The following MMGT1 variants were observed in gnomAD, a reference collection of about 807,000 sequenced individuals.
MMGT1 encodes the protein ER membrane protein complex subunit 5.
In MMGT1, 2 loss-of-function variants were observed where a neutral mutation model predicts 11.7. That is an observed-to-expected ratio of 0.17 (90% CI 0.07 to 0.54). The LOEUF (loss-of-function observed/expected upper bound fraction) is 0.54. MMGT1 is among the 20% of genes least tolerant of loss of function. The probability of loss-of-function intolerance (pLI) is 0.94; values close to 1 mark genes in which losing one functional copy is unlikely to be tolerated. For missense variants in MMGT1, 74 were observed against 109.0 expected (o/e 0.68, Z 1.43); for synonymous variants, 49 against 44.4 (o/e 1.10, Z -0.41).
intron 2 of MMGT1, 126 bp downstream of exon 2, chrX:135,970,932 A>C: frequency 8.4e-6 from 4 of 474,820 alleles, no homozygotes; most frequent in Non-Finnish European, 1.5e-5. Flanking sequence ...AAAGAAAAGA[A>C]AAGTGGAGAT....
intron 1 of MMGT1, 95 bp from the exon 2 acceptor site, chrX:135,971,205 G>A: frequency 1.7e-6 from 1 of 574,208 alleles, no homozygotes; most frequent in Admixed American, 2.5e-5. Flanking sequence ...GCTGACTTAT[G>A]TGCAGCACAC....
rs180943800 is a variant in MMGT1 at position 135,961,052 on chromosome X, G to A, written c.*3972C>T. ...AAGATTTCTAGAGGACAATTTGGCAGTAACTACTGAACTGAAAATAAAAAA... is the reference window on the plus strand; with the variant it reads ...AAGATTTCTAGAGGACAATTTGGCAATAACTACTGAACTGAAAATAAAAAA... On this transcript the variant is annotated 3_prime_UTR_variant, in exon 4 of 4. Coordinates refer to ENST00000305963, the MANE Select transcript of MMGT1 (RefSeq NM_173470.3). 4.5e-4 allele frequency among the ~76,000 whole-genome samples: 50 copies of A among 111,900 alleles called. No homozygotes were observed. Among genetic ancestry groups the A allele is most frequent in the African/African-American group, 1.6e-3 (48 of 30,907 alleles).
At position 135,964,894 on chromosome X, in the gene MMGT1, G is replaced by A; in HGVS notation, c.*130C>T. ...TTAACAGTATATAAACAAGGGCCAT[G>A]GTTTTTTTTACTAAAGTAGGTCTGA... is the stretch of plus-strand genomic sequence containing the variant. On this transcript the variant is annotated 3_prime_UTR_variant, in exon 4 of 4. Coordinates refer to ENST00000305963, the MANE Select transcript of MMGT1 (RefSeq NM_173470.3). The A allele has an allele frequency of 3.8e-6, 2 of 527,898 alleles. No homozygotes were observed. The highest frequency in any genetic ancestry group is 6.6e-5 in the East Asian group (2 of 30,154). The allele number at this position is 527,898 out of a possible 1,213,427, so 43.5% of individuals were successfully genotyped here. A position where few individuals can be genotyped will look rare whatever the true frequency, so the allele number is the denominator to read the frequency against.
chrX:135,967,368 C>T, intron 3 of MMGT1, 22 bp downstream of exon 3: 1 of 936,878 alleles, frequency 1.1e-6, no homozygotes, highest in Non-Finnish European at 1.5e-6. Flanking sequence ...AATGCAATGC[C>T]TATGAAAAGA....
Position 135,973,750 on chromosome X carries a change from C to T in MMGT1, c.-75G>A. On this transcript the variant is annotated 5_prime_UTR_variant, in exon 1 of 4. Coordinates refer to ENST00000305963, the MANE Select transcript of MMGT1 (RefSeq NM_173470.3). Reference sequence around the variant, plus strand: ...TGTTTCTTCTTCCACCGGCGGGTGTCCGCGCGCCGCAGAAAGATGACGTCA... The same window carrying T: ...TGTTTCTTCTTCCACCGGCGGGTGTTCGCGCGCCGCAGAAAGATGACGTCA... 3 of 1,166,050 alleles carry T rather than the reference C, an allele frequency of 2.6e-6. No individual in the cohort carries two copies. Among genetic ancestry groups the T allele is most frequent in the Non-Finnish European group, 3.4e-6 (3 of 872,634 alleles).
intron 1 of MMGT1, among the ~76,000 whole-genome samples, chrX:135,971,714 T>A (rs1182763115): frequency 8.9e-6 from 1 of 111,958 alleles, no homozygotes; most frequent in East Asian, 2.8e-4. Context: ...AGTGGTGGAA[T>A]AGGAATTCCA....
Position 135,963,307 on chromosome X carries a change from T to G in MMGT1, c.*1717A>C, listed in dbSNP as rs1196758217. 9.0e-6 allele frequency: 1 copy of G among 111,651 alleles called. No homozygotes were observed. The highest frequency in any genetic ancestry group is 1.9e-5 in the Non-Finnish European group (1 of 53,137). The allele number at this position is 111,651 out of a possible 1,213,427, so 9.2% of individuals were successfully genotyped here. ...AATTGTAAGGTATGTGAATTATATC[T>G]CAATAATGTTACAAACATATTAAGA... On this transcript the variant is annotated 3_prime_UTR_variant, in exon 4 of 4. Coordinates refer to ENST00000305963, the MANE Select transcript of MMGT1 (RefSeq NM_173470.3).
intron 2 of MMGT1, 99 bp from the exon 3 acceptor site, chrX:135,967,592 T>C (rs782035841): frequency 3.2e-4 from 135 of 426,477 alleles, no homozygotes; most frequent in Middle Eastern, 6.7e-4. Context: ...CAGGTAGTCC[T>C]CTCAGGGCCA....
intron 1 of MMGT1, 125 bp downstream of exon 1, chrX:135,973,472 C>T (rs1178458886): frequency 1.8e-6 from 1 of 565,013 alleles, no homozygotes; most frequent in African/African-American, 2.3e-5. Context: ...TTCTTAGTCA[C>T]CCCAAACTGT....
At position 135,973,842 on chromosome X, in the gene MMGT1, G is replaced by T. The variant is rs1461212073; in HGVS notation, c.-167C>A. 2.6e-6 allele frequency: 3 copies of T among 1,161,834 alleles called. No individual in the cohort carries two copies. In the Admixed American group the frequency reaches 7.8e-5, roughly 30 times the overall value. On this transcript the variant is annotated 5_prime_UTR_variant, in exon 1 of 4. The change creates a new upstream start codon in the 5' untranslated region. Transcript: ENST00000305963. Reference sequence around the variant, plus strand: ...AGAGGGCTGTGAGAAAACGGAAACAGGAATGCCGGGAAGAAGCAGAAAGCT... The same window carrying T: ...AGAGGGCTGTGAGAAAACGGAAACATGAATGCCGGGAAGAAGCAGAAAGCT...
In MMGT1 at chrX:135,965,003, T is replaced by G; in HGVS notation, c.*21A>C. 1 of 1,197,200 alleles carries G rather than the reference T, an allele frequency of 8.4e-7. No homozygotes were observed. Among genetic ancestry groups the G allele is most frequent in the Non-Finnish European group, 1.1e-6 (1 of 883,464 alleles). On this transcript the variant is annotated 3_prime_UTR_variant, in exon 4 of 4. Transcript: ENST00000305963. ...TATTCCAGCTCTGTGTCCTGTCCTA[T>G]TATTATAATTTGTAAAAATCTTAAC...
intron 3 of MMGT1, among the ~76,000 whole-genome samples, 189 bp downstream of exon 3, chrX:135,967,201 A>G (rs1556612069): frequency 8.9e-6 from 1 of 112,509 alleles, no homozygotes; most frequent in African/African-American, 3.2e-5. Context: ...ATAATCTGGC[A>G]TTCATCTTCC....
chrX:135,972,355 TGAA>T (rs2089224517), intron 1 of MMGT1, among the ~76,000 whole-genome samples: 1 of 112,668 alleles, frequency 8.9e-6, no homozygotes, highest in Non-Finnish European at 1.9e-5. Context: ...TATTGACTCT[TGAA>T]GAAGAATGTG....
chrX:135,968,896 T>C (rs782394716), intron 2 of MMGT1, among the ~76,000 whole-genome samples: 191 of 111,769 alleles, frequency 1.7e-3, no homozygotes, highest in African/African-American at 6.0e-3. Context: ...GCTGTTGTTA[T>C]TGGATATGTG....
rs1556611751 is a variant in MMGT1, at chrX:135,964,732, A to T, written c.*292T>A. On this transcript the variant is annotated 3_prime_UTR_variant, in exon 4 of 4. Coordinates refer to ENST00000305963, the MANE Select transcript of MMGT1 (RefSeq NM_173470.3). ...ATAAATAATCACAAAAACCACCAAC[A>T]TTTTTCAAGGAAATGTGTTCAAAAC... 5.0e-6 allele frequency: 1 copy of T among 198,773 alleles called. No individual in the cohort carries two copies. The highest frequency in any genetic ancestry group is 7.4e-5 in the Admixed American group (1 of 13,533). 16.4% of individuals were successfully genotyped at this position (198,773 alleles called of 1,213,427 possible). A position where few individuals can be genotyped will look rare whatever the true frequency, so the allele number is the denominator to read the frequency against.
intron 2 of MMGT1, among the ~76,000 whole-genome samples, chrX:135,969,303 T>C (rs1286349660): frequency 9.0e-6 from 1 of 111,301 alleles, no homozygotes; most frequent in Non-Finnish European, 1.9e-5. Context: ...ACGATACCAA[T>C]TTACATTCCC....
intron 2 of MMGT1, among the ~76,000 whole-genome samples, chrX:135,968,172 T>C (rs868932476): frequency 1.8e-5 from 2 of 111,642 alleles, no homozygotes; most frequent in African/African-American, 3.3e-5. Flanking sequence ...TTATATATCA[T>C]AGAGTGCAGA....
At position 135,965,268 on chromosome X, in the gene MMGT1, A is replaced by T. The variant is rs574895019; in HGVS notation, c.237-85T>A. On this transcript the variant is annotated intron_variant, in intron 3 of 3. Coordinates refer to ENST00000305963, the MANE Select transcript of MMGT1 (RefSeq NM_173470.3). ...TAAGTAGGCTTCTAACGAATTATCA[A>T]TTTACTATGGGTTATATTTTTTAAC... The T allele has an allele frequency of 3.6e-4, 257 of 715,003 alleles. No individual in the cohort carries two copies. In the South Asian group the frequency reaches 6.7e-3, roughly 19 times the overall value. 58.9% of individuals were successfully genotyped at this position (715,003 alleles called of 1,213,427 possible). A position where few individuals can be genotyped will look rare whatever the true frequency, so the allele number is the denominator to read the frequency against.
intron 1 of MMGT1, among the ~76,000 whole-genome samples, chrX:135,973,296 C>G (rs782365547): frequency 1.1e-3 from 119 of 111,760 alleles, no homozygotes; most frequent in African/African-American, 3.7e-3. Context: ...ACAACTGTGC[C>G]TGATCTGCCC....
Sources: gnomAD v4.1 joint callset for allele counts (sites outside exome capture counted in the v4.1 genomes callset) on GRCh38, gnomAD v4.1.1 for gene constraint, MANE v1.5 for transcripts, NCBI Gene and HGNC (gene_info 2026-07-23, HGNC 2026-07-21) for gene names.